The following MAP3K4 variants were observed in gnomAD, a reference collection of about 807,000 sequenced individuals.
MAP3K4 encodes the protein MAP three kinase 1.
Under a neutral mutation model 185.6 loss-of-function variants are expected in MAP3K4, and 67 were observed. That is an observed-to-expected ratio of 0.36 (90% CI 0.30 to 0.44). MAP3K4 has a LOEUF of 0.44. Among genes scored for constraint, MAP3K4 ranks in the 20% least tolerant of loss-of-function variants. The probability of loss-of-function intolerance (pLI) is 1.00; values close to 1 mark genes in which losing one functional copy is unlikely to be tolerated. For synonymous variants in MAP3K4, 702 were observed against 710.4 expected (o/e 0.99, Z 0.19); for missense variants, 1,551 against 1,995.1 (o/e 0.78, Z 4.24).
chr6:161,008,189 C>A lies in MAP3K4; in HGVS notation c.152+16106C>A, dbSNP rs915926088. Among the ~76,000 whole-genome samples, 1 of 152,126 alleles carries A rather than the reference C, an allele frequency of 6.6e-6. No individual in the cohort carries two copies. Among genetic ancestry groups the A allele is most frequent in the Non-Finnish European group, 1.5e-5 (1 of 68,016 alleles). The stretch of plus-strand genomic sequence containing the variant: ...CTTTGTTGGGTAGCAATTGCATACT[C>A]ATTTTCACTGGGTGTTTTCTGATAT... On this transcript the variant is annotated intron_variant, in intron 1 of 26. Coordinates refer to ENST00000392142, the MANE Select transcript of MAP3K4 (RefSeq NM_005922.4). The surrounding 1 kb of genome is among the most constrained non-coding windows in gnomAD (Gnocchi z 4.1).
In MAP3K4 at chr6:161,080,687, T is replaced by C; in HGVS notation, c.2098-194T>C. ...ATGTTAAATTGCTGGGGAGTTAGTT[T>C]TGTGATTTTTTAAAAAATCCTCATT... On this transcript the variant is annotated intron_variant, in intron 5 of 26. Transcript: ENST00000392142. This position sits in a 1 kb window ranked among gnomAD's most constrained non-coding sequence, Gnocchi z 4.8. 1.9e-6 allele frequency: 1 copy of C among 537,832 alleles called. No individual in the cohort carries two copies. Among genetic ancestry groups the C allele is most frequent in the African/African-American group, 1.9e-5 (1 of 52,176 alleles). The allele number at this position is 537,832 out of a possible 1,614,324, so 33.3% of individuals were successfully genotyped here.
rs1223664588 is a variant in MAP3K4, at chr6:161,084,780, GTGAT to G, written c.2372+165_2372+168del. Among the ~76,000 whole-genome samples the G allele has an allele frequency of 2.6e-5, 4 of 152,206 alleles. No homozygotes were observed. The highest frequency in any genetic ancestry group is 9.6e-5 in the African/African-American group (4 of 41,454). On this transcript the variant is annotated intron_variant, in intron 7 of 26. Coordinates refer to ENST00000392142, the MANE Select transcript of MAP3K4 (RefSeq NM_005922.4). This position sits in a 1 kb window ranked among gnomAD's most constrained non-coding sequence, Gnocchi z 4.6. ...ATTTATAACTGCCTTGTCTTTTCAT[GTGAT>G]TTCTTAGTTATGGTTTTATGTGAAA...
chr6:161,025,674 T>C (rs1284708525), intron 1 of MAP3K4, among the ~76,000 whole-genome samples: 2 of 152,234 alleles, frequency 1.3e-5, no homozygotes, highest in Non-Finnish European at 1.5e-5. Context: ...GAATGTTTTT[T>C]CCACAAGTAA....
chr6:161,042,914 AC>A (rs1783550792), intron 2 of MAP3K4, among the ~76,000 whole-genome samples: 1 of 8,110 alleles, frequency 1.2e-4, no homozygotes, highest in Non-Finnish European at 2.8e-4. Flanking sequence ...ATTTGCACAC[AC>A]ACACACACAC....
intron 1 of MAP3K4, among the ~76,000 whole-genome samples, chr6:161,026,771 G>T: frequency 7.3e-6 from 1 of 136,310 alleles, no homozygotes; most frequent in Non-Finnish European, 1.5e-5. Flanking sequence ...GTTCTCATTG[G>T]AAAGTCTGGT....
Position 161,116,852 on chromosome 6 carries a change from T to G in MAP3K4, c.4809T>G (p.Val1603=). 6.2e-7 allele frequency: 1 copy of G among 1,614,144 alleles called. No homozygotes were observed. The highest frequency in any genetic ancestry group is 8.5e-7 in the Non-Finnish European group (1 of 1,179,984). The change falls in exon 27 of 27, where the codon GTT becomes GTG. Residue 1603 remains valine (V), a splice_region_variant and synonymous_variant. Transcript: ENST00000392142. This position sits in a 1 kb window ranked among gnomAD's most constrained non-coding sequence, Gnocchi z 6.2. ...SQLLDHSFVK[V]CTDEE ...AGCTCTCTCCTGCTTCCTCACAGGT[T>G]TGCACAGATGAAGAATGAAGCCTAG...
Position 161,073,489 on chromosome 6 carries a change from C to A in MAP3K4, c.1974C>A (p.Val658=). ...IKQLVRECKE[V]LKGGLLMKQY... ...AGCTGGTGAGAGAGTGTAAGGAGGTCCTGAAGGGCGGCCTGCTGATGAAGC... is the reference window on the plus strand; with the variant it reads ...AGCTGGTGAGAGAGTGTAAGGAGGTACTGAAGGGCGGCCTGCTGATGAAGC... Residue 658 remains valine, a synonymous_variant, in exon 5 of 27, where the codon GTC becomes GTA. Coordinates refer to ENST00000392142, the MANE Select transcript of MAP3K4 (RefSeq NM_005922.4). This position sits in a 1 kb window ranked among gnomAD's most constrained non-coding sequence, Gnocchi z 4.2. 1 of 1,612,206 alleles carries A rather than the reference C, an allele frequency of 6.2e-7. No homozygotes were observed. The highest frequency in any genetic ancestry group is 8.5e-7 in the Non-Finnish European group (1 of 1,179,140).
intron 1 of MAP3K4, among the ~76,000 whole-genome samples, chr6:161,026,719 A>G (rs542510709): frequency 1.5e-4 from 22 of 150,286 alleles, no homozygotes; most frequent in African/African-American, 5.1e-4. Flanking sequence ...GGAATGCCCA[A>G]AGGGTTCTCT....
intron 15 of MAP3K4, among the ~76,000 whole-genome samples, chr6:161,094,890 G>A (rs370859670): frequency 1.3e-5 from 2 of 152,112 alleles, no homozygotes; most frequent in African/African-American, 2.4e-5. Context: ...ACACATGATC[G>A]ATAATTCAGT....
chr6:161,011,997 T>C (rs1461466193), intron 1 of MAP3K4, among the ~76,000 whole-genome samples: 2 of 152,170 alleles, frequency 1.3e-5, no homozygotes, highest in Non-Finnish European at 2.9e-5. Flanking sequence ...TTGATTAGGC[T>C]CAGACAGCTT....
chr6:161,029,444 C>G (rs1311359303), intron 1 of MAP3K4, among the ~76,000 whole-genome samples: 1 of 152,158 alleles, frequency 6.6e-6, no homozygotes, highest in Non-Finnish European at 1.5e-5. Context: ...CCTCTAAAAC[C>G]TACACCAAAC....
intron 15 of MAP3K4, among the ~76,000 whole-genome samples, chr6:161,095,155 C>T (rs1777511757): frequency 6.6e-6 from 1 of 152,078 alleles, no homozygotes; most frequent in Admixed American, 6.5e-5. Flanking sequence ...TAATTAATAG[C>T]GCTCTCTGGA....
At chr6:161,028,156 C>T (rs1047692261) in intron 1 of MAP3K4, among the ~76,000 whole-genome samples, 4 of 152,074 alleles carry the variant, frequency 2.6e-5, no homozygotes, top group Non-Finnish European at 4.4e-5. Context: ...ATGAGGAGGC[C>T]GGTTTCATCA....
chr6:161,097,297 G>A lies in MAP3K4; in HGVS notation c.3524+121G>A, dbSNP rs1011781927. The stretch of plus-strand genomic sequence containing the variant: ...AATACCTTTTCTGCATTGTTCGTAC[G>A]TAAAAGCTCTTACTTGCATTATCTT... On this transcript the variant is annotated intron_variant, in intron 16 of 26. Transcript: ENST00000392142. This position sits in a 1 kb window ranked among gnomAD's most constrained non-coding sequence, Gnocchi z 4.9. 26 of 752,100 alleles carry A rather than the reference G, an allele frequency of 3.5e-5. No homozygotes were observed. Among genetic ancestry groups the A allele is most frequent in the East Asian group, 2.7e-4 (10 of 37,478 alleles). 46.6% of individuals were successfully genotyped at this position (752,100 alleles called of 1,614,324 possible). A position where few individuals can be genotyped will look rare whatever the true frequency, so the allele number is the denominator to read the frequency against.
intron 1 of MAP3K4, among the ~76,000 whole-genome samples, chr6:161,028,136 G>T (rs887425420): frequency 6.6e-6 from 1 of 152,164 alleles, no homozygotes; most frequent in African/African-American, 2.4e-5. Flanking sequence ...AGATATGCAG[G>T]TTTGTGACCA....
chr6:161,059,162 G>A (rs1784379373), intron 3 of MAP3K4, among the ~76,000 whole-genome samples: 1 of 151,306 alleles, frequency 6.6e-6, no homozygotes, highest in Non-Finnish European at 1.5e-5. Flanking sequence ...TTAAGTCAGA[G>A]CCTCACACTG....
rs1198223288 is a variant in MAP3K4 at position 160,999,508 on chromosome 6, GTGT to G, written c.152+7427_152+7429del. Among the ~76,000 whole-genome samples the G allele has an allele frequency of 2.0e-5, 3 of 152,188 alleles. No homozygotes were observed. In the East Asian group the frequency reaches 5.8e-4, roughly 29 times the overall value. ...GTTCTTACAGATGGTAGGACGCTTA[GTGT>G]TCATTTCATCCAACTTCCTAGCCAT... On this transcript the variant is annotated intron_variant, in intron 1 of 26. Coordinates refer to ENST00000392142, the MANE Select transcript of MAP3K4 (RefSeq NM_005922.4).
chr6:161,099,755 C>T (rs1777746266), intron 17 of MAP3K4, among the ~76,000 whole-genome samples: 3 of 152,160 alleles, frequency 2.0e-5, no homozygotes, highest in South Asian at 2.1e-4. Flanking sequence ...GAGTGACCTC[C>T]CTCTTTTTAA....
Position 161,070,952 on chromosome 6 carries a change from A to G in MAP3K4, c.1950+102A>G. Reference sequence around the variant, plus strand: ...TTCCTTTTTTTTTCTTAATTGTCGCAAATAGTGAAAAATGACTGTTTGTCC... The same window carrying G: ...TTCCTTTTTTTTTCTTAATTGTCGCGAATAGTGAAAAATGACTGTTTGTCC... On this transcript the variant is annotated intron_variant, in intron 4 of 26. Coordinates refer to ENST00000392142, the MANE Select transcript of MAP3K4 (RefSeq NM_005922.4). This position sits in a 1 kb window ranked among gnomAD's most constrained non-coding sequence, Gnocchi z 4.5. 9.3e-7 allele frequency: 1 copy of G among 1,073,648 alleles called. No individual in the cohort carries two copies. The highest frequency in any genetic ancestry group is 1.8e-5 in the South Asian group (1 of 56,990). The allele number at this position is 1,073,648 out of a possible 1,614,324, so 66.5% of individuals were successfully genotyped here.
Sources: gnomAD v4.1 joint callset for allele counts (sites outside exome capture counted in the v4.1 genomes callset) on GRCh38, gnomAD v4.1.1 for gene constraint, Gnocchi (gnomAD v3.1) non-coding constraint, MANE v1.5 for transcripts, NCBI Gene and HGNC (gene_info 2026-07-23, HGNC 2026-07-21) for gene names.